The following ADHFE1 variants were observed in gnomAD, a reference collection of about 807,000 sequenced individuals.
ADHFE1 encodes hydroxyacid-oxoacid transhydrogenase, mitochondrial.
Under a neutral mutation model 54.8 loss-of-function variants are expected in ADHFE1, and 37 were observed. That is an observed-to-expected ratio of 0.68 (90% CI 0.52 to 0.89). The LOEUF (loss-of-function observed/expected upper bound fraction) is 0.89. Among genes scored for constraint, ADHFE1 ranks in the 40% least tolerant of loss-of-function variants. The pLI is 0.00. For synonymous variants in ADHFE1, 203 were observed against 229.3 expected, an observed-to-expected ratio of 0.89 and a Z score of 1.04; for missense variants, 601 against 591.2, an observed-to-expected ratio of 1.02 and a Z score of -0.17.
intron 2 of ADHFE1, 60 bp downstream of exon 2, chr8:66,440,259 T>C: frequency 1.3e-6 from 2 of 1,499,112 alleles, no homozygotes; most frequent in Non-Finnish European, 9.2e-7. Context: ...GGCATTATAA[T>C]ACATTTGGGT....
In ADHFE1 at chr8:66,442,853, A is replaced by G; in HGVS notation, c.144+9A>G. 1 of 1,571,482 alleles carries G rather than the reference A, an allele frequency of 6.4e-7. No individual in the cohort carries two copies. The highest frequency in any genetic ancestry group is 1.2e-5 in the South Asian group (1 of 82,516). ...CAGATTATGCCTTTGAGGTATATTC[A>G]CTCAATCCATTATTTCTTTTATGAA... On this transcript the variant is annotated intron_variant, in intron 3 of 13. Transcript: ENST00000396623.
intron 9 of ADHFE1, chr8:66,453,818 A>G: frequency 1.4e-6 from 2 of 1,450,218 alleles, no homozygotes; most frequent in Non-Finnish European, 1.9e-6. Flanking sequence ...CGGCGCTTTT[A>G]CATCACATGA....
intron 12 of ADHFE1, among the ~76,000 whole-genome samples, chr8:66,458,457 C>G (rs1217344324): frequency 2.0e-5 from 3 of 152,238 alleles, no homozygotes; most frequent in African/African-American, 7.2e-5. Flanking sequence ...TGTCCCTTTT[C>G]TCTTTCGGAC....
At chr8:66,444,242 T>C in intron 3 of ADHFE1, 125 bp from the exon 4 acceptor site, 2 of 825,346 alleles carry the variant, frequency 2.4e-6, no homozygotes, top group Non-Finnish European at 3.9e-6. Flanking sequence ...GGAGATGACC[T>C]GGAAGACCAT....
chr8:66,448,820 T>G (rs1221398410), intron 7 of ADHFE1, 45 bp from the exon 8 acceptor site: 2 of 1,500,646 alleles, frequency 1.3e-6, no homozygotes, highest in African/African-American at 2.8e-5. Context: ...CTTCTTAAAA[T>G]GATGCCCATG....
chr8:66,439,290 C>G lies in ADHFE1; in HGVS notation c.60-872C>G, dbSNP rs757491436. On this transcript the variant is annotated intron_variant, in intron 1 of 13. Transcript: ENST00000396623. The surrounding 1 kb of genome is among the most constrained non-coding windows in gnomAD (Gnocchi z 4.4). ...GATGCACTCAAGTATCTACCGAGAC[C>G]CAACCACTGGACAAGGTCTTCTGGG... 83 of 985,300 alleles carry G rather than the reference C, an allele frequency of 8.4e-5. No homozygotes were observed. Among genetic ancestry groups the G allele is most frequent in the Non-Finnish European group, 1.0e-4 (83 of 829,972 alleles). The allele number at this position is 985,300 out of a possible 1,614,324, so 61.0% of individuals were successfully genotyped here. A position where few individuals can be genotyped will look rare whatever the true frequency, so the allele number is the denominator to read the frequency against.
intron 6 of ADHFE1, 75 bp downstream of exon 6, chr8:66,445,489 C>T: frequency 7.3e-7 from 1 of 1,374,308 alleles, no homozygotes; most frequent in Admixed American, 2.4e-5. Flanking sequence ...CAAGCCAGTC[C>T]TTTTAACATA....
chr8:66,442,733 A>T, intron 2 of ADHFE1, 65 bp from the exon 3 acceptor site: 1 of 1,380,600 alleles, frequency 7.2e-7, no homozygotes, highest in Non-Finnish European at 1.0e-6. Context: ...GCTGGATTTT[A>T]CTATCAAATA....
intron 12 of ADHFE1, chr8:66,459,431 T>TATATATATATATATATATATA (rs60104059): frequency 4.2e-5 from 4 of 95,584 alleles, no homozygotes; most frequent in African/African-American, 1.3e-4. Flanking sequence ...TATATATATA[T>TATATATATATATATATATATA]TTTTTTTTTT....
chr8:66,442,804 G>A lies in ADHFE1; in HGVS notation c.104G>A (p.Gly35Glu), dbSNP rs1805828043. 6.9e-6 allele frequency: 11 copies of A among 1,596,094 alleles called. No individual in the cohort carries two copies. Among genetic ancestry groups the A allele is most frequent in the African/African-American group, 1.4e-5 (1 of 73,568 alleles). Residue 35 changes from glycine to glutamate, a missense_variant, in exon 3 of 14, where the codon GGA (glycine) becomes GAA (glutamate). By Grantham distance (98) the Gly-to-Glu change is moderately conservative. Coordinates refer to ENST00000396623, the MANE Select transcript of ADHFE1 (RefSeq NM_144650.3). ...THSHTYSQAP[G>E]LSPSGKTTDY... ...CTAACTTTTACATTTCTAGCCCCTGGACTTTCACCTTCTGGGAAAACAACA... is the reference window on the plus strand; with the variant it reads ...CTAACTTTTACATTTCTAGCCCCTGAACTTTCACCTTCTGGGAAAACAACA...
intron 7 of ADHFE1, 134 bp downstream of exon 7, chr8:66,447,475 C>T (rs188985882): frequency 1.1e-4 from 75 of 701,170 alleles, no homozygotes; most frequent in Admixed American, 5.2e-4. Flanking sequence ...AGCAAGGTGA[C>T]GAAAGTCAGC....
chr8:66,449,097 T>C, intron 8 of ADHFE1, 127 bp downstream of exon 8: 1 of 823,160 alleles, frequency 1.2e-6, no homozygotes. Flanking sequence ...TTGGCTGTCA[T>C]TACCCCCTGT....
intron 8 of ADHFE1, among the ~76,000 whole-genome samples, chr8:66,451,453 T>C (rs1356663662): frequency 1.3e-5 from 2 of 152,176 alleles, no homozygotes; most frequent in Non-Finnish European, 2.9e-5. Context: ...AGCAGGAATA[T>C]CTTGTTCCAG....
rs540464621 is a variant in ADHFE1 at position 66,443,264 on chromosome 8, ATTTTTTTTTTTTTTTT to A, written c.144+437_144+452del. Among the ~76,000 whole-genome samples the A allele has an allele frequency of 1.4e-3, 119 of 86,102 alleles. 4 individuals are homozygous for A. Among genetic ancestry groups the A allele is most frequent in the Admixed American group, 2.9e-3 (23 of 8,038 alleles). 56.5% of individuals were successfully genotyped at this position (86,102 alleles called of 152,430 possible). On this transcript the variant is annotated intron_variant, in intron 3 of 13. Coordinates refer to ENST00000396623, the MANE Select transcript of ADHFE1 (RefSeq NM_144650.3). ...GTCCCTGTCTCCTCCTAGTCCAGGAATTTTTTTTTTTTTTTTTTTTTTTTTTTTTTTTGGAGACAGC... is the reference window on the plus strand; with the variant it reads ...GTCCCTGTCTCCTCCTAGTCCAGGAATTTTTTTTTTTTTTTTGGAGACAGC...
chr8:66,451,019 GGA>G (rs1170400984), intron 8 of ADHFE1, among the ~76,000 whole-genome samples: 1 of 152,240 alleles, frequency 6.6e-6, no homozygotes, highest in Non-Finnish European at 1.5e-5. Context: ...TCAAGTGAAA[GGA>G]GAGTGTCCCA....
In ADHFE1 at chr8:66,451,974, C is replaced by T. The variant is rs1255400961; in HGVS notation, c.756C>T (p.Thr252=). The T allele has an allele frequency of 6.2e-6, 10 of 1,614,014 alleles. No individual in the cohort carries two copies. The highest frequency in any genetic ancestry group is 8.5e-6 in the Non-Finnish European group (10 of 1,180,036). ...TTAGCCATGCCCTGGAGTCATACAC[C>T]ACCCTGCCCTACCACCTGCGGAGCC... ...DVLCHALESY[T]TLPYHLRSPC... Residue 252 remains threonine, a synonymous_variant, in exon 9 of 14, where the codon ACC becomes ACT. Transcript: ENST00000396623.
Position 66,440,191 on chromosome 8 carries a change from A to G in ADHFE1, c.89A>G (p.Tyr30Cys), listed in dbSNP as rs756221237. The G allele has an allele frequency of 3.5e-5, 56 of 1,610,402 alleles. No individual in the cohort carries two copies. In the Admixed American group the frequency reaches 7.2e-4, roughly 21 times the overall value. Residue 30 changes from tyrosine (Y) to cysteine (C), a missense_variant, in exon 2 of 14, where the codon TAC (tyrosine) becomes TGC (cysteine). Tyr to Cys is a radical substitution (Grantham distance 194, BLOSUM62 -2). Transcript: ENST00000396623. ...ACQCPTHSHTYSQAPGLSPSG... is the reference protein window; with the variant it reads ...ACQCPTHSHTCSQAPGLSPSG... ...CAGTGCCCAACTCATTCTCATACTT[A>G]CTCCCAAGGTAATACTTCTGTATTT...
Position 66,439,873 on chromosome 8 carries a change from C to A in ADHFE1, c.60-289C>A. On this transcript the variant is annotated intron_variant, in intron 1 of 13. Coordinates refer to ENST00000396623, the MANE Select transcript of ADHFE1 (RefSeq NM_144650.3). This position sits in a 1 kb window ranked among gnomAD's most constrained non-coding sequence, Gnocchi z 4.4. ...ACCCCCATCTTAAACTTGCATGTAC[C>A]CCCAGAGCGTTTATCTCAGCTGCCC... 1.2e-6 allele frequency: 1 copy of A among 844,890 alleles called. No homozygotes were observed. Among genetic ancestry groups the A allele is most frequent in the Admixed American group, 4.1e-5 (1 of 24,172 alleles). The allele number at this position is 844,890 out of a possible 1,614,324, so 52.3% of individuals were successfully genotyped here. A position where few individuals can be genotyped will look rare whatever the true frequency, so the allele number is the denominator to read the frequency against.
intron 8 of ADHFE1, among the ~76,000 whole-genome samples, 169 bp downstream of exon 8, chr8:66,449,139 G>A (rs567171727): frequency 2.6e-5 from 4 of 152,208 alleles, no homozygotes; most frequent in Non-Finnish European, 4.4e-5. Context: ...TTAGAGGTTG[G>A]TGACTAGGTG....
Sources: gnomAD v4.1 joint callset for allele counts (sites outside exome capture counted in the v4.1 genomes callset) on GRCh38, gnomAD v4.1.1 for gene constraint, Gnocchi (gnomAD v3.1) non-coding constraint, MANE v1.5 for transcripts, NCBI Gene and HGNC (gene_info 2026-07-23, HGNC 2026-07-21) for gene names.